The following DCAF12 variants were observed in gnomAD, a reference collection of about 807,000 sequenced individuals.
The protein encoded by DCAF12 is DDB1 and CUL4 associated factor 12, also known as DDB1- and CUL4-associated factor 12.
A neutral mutation model predicts 52.8 loss-of-function variants in DCAF12; 28 were observed. That is an observed-to-expected ratio of 0.53 (90% CI 0.39 to 0.73). The LOEUF is 0.73. Ranked by LOEUF, DCAF12 falls within the 30% of genes least tolerant of loss-of-function variation. The probability of loss-of-function intolerance (pLI) is 0.00; values close to 1 mark genes in which losing one functional copy is unlikely to be tolerated. For missense variants in DCAF12, 425 were observed against 552.2 expected (o/e 0.77, Z 2.31); for synonymous variants, 196 against 215.5 (o/e 0.91, Z 0.79).
chr9:34,094,393 G>A (rs2131426863), intron 6 of DCAF12, among the ~76,000 whole-genome samples: 1 of 151,892 alleles, frequency 6.6e-6, no homozygotes, highest in South Asian at 2.1e-4. Context: ...GCAACAAAGT[G>A]AGACTCTGTC....
intron 2 of DCAF12, among the ~76,000 whole-genome samples, chr9:34,120,541 C>A (rs762583566): frequency 6.6e-6 from 1 of 151,112 alleles, no homozygotes; most frequent in Non-Finnish European, 1.5e-5. Flanking sequence ...CATGGTAGCA[C>A]GCGCCTGTAG....
At chr9:34,111,932 C>T (rs113515434) in intron 2 of DCAF12, among the ~76,000 whole-genome samples, 2 of 150,776 alleles carry the variant, frequency 1.3e-5, no homozygotes, top group African/African-American at 4.9e-5. Context: ...GTCAGGAGTT[C>T]AAGACTAGCC....
chr9:34,095,383 T>TC (rs1828720183), intron 6 of DCAF12, among the ~76,000 whole-genome samples: 1 of 136,694 alleles, frequency 7.3e-6, no homozygotes, highest in Admixed American at 7.3e-5. Flanking sequence ...TTTTTTTTTT[T>TC]TTTTTTTTTT....
At chr9:34,093,076 C>T (rs1005737120) in intron 7 of DCAF12, among the ~76,000 whole-genome samples, 10 of 152,162 alleles carry the variant, frequency 6.6e-5, no homozygotes, top group African/African-American at 2.4e-4. Flanking sequence ...CTCAAACTCC[C>T]GACCTCAGGT....
chr9:34,108,164 C>A (rs1002633787), intron 2 of DCAF12, among the ~76,000 whole-genome samples: 5 of 152,212 alleles, frequency 3.3e-5, no homozygotes, highest in Admixed American at 3.3e-4. Context: ...CACCTCTTTA[C>A]CCTCCAAGAT....
intron 5 of DCAF12, 110 bp downstream of exon 5, chr9:34,098,214 G>T: frequency 8.5e-7 from 1 of 1,179,682 alleles, no homozygotes; most frequent in Non-Finnish European, 1.2e-6. Flanking sequence ...TGTTCTGTGG[G>T]CTCAGAACCA....
intron 4 of DCAF12, among the ~76,000 whole-genome samples, chr9:34,103,569 T>C (rs1828862373): frequency 6.6e-6 from 1 of 151,378 alleles, no homozygotes; most frequent in South Asian, 2.1e-4. Context: ...AAATTATGTT[T>C]TAGGCCGGGC....
chr9:34,119,706 T>G (rs1392709586), intron 2 of DCAF12, among the ~76,000 whole-genome samples: 1 of 150,902 alleles, frequency 6.6e-6, no homozygotes, highest in Admixed American at 6.6e-5. Flanking sequence ...TTTGCGGTTT[T>G]TTTTTTTTTT....
intron 4 of DCAF12, among the ~76,000 whole-genome samples, chr9:34,104,826 G>C (rs1828879573): frequency 6.6e-6 from 1 of 151,244 alleles, no homozygotes; most frequent in African/African-American, 2.4e-5. Context: ...CTGAGGCAGG[G>C]AGAAGTGCTT....
chr9:34,123,976 G>A (rs1343928051), intron 2 of DCAF12, among the ~76,000 whole-genome samples: 2 of 152,040 alleles, frequency 1.3e-5, no homozygotes, highest in Admixed American at 1.3e-4. Flanking sequence ...CAACCACCAT[G>A]GTATTATTTC....
chr9:34,113,905 G>A (rs998301970), intron 2 of DCAF12, among the ~76,000 whole-genome samples: 4 of 151,884 alleles, frequency 2.6e-5, no homozygotes, highest in Admixed American at 1.3e-4. Context: ...TTAGGAGATC[G>A]AGACCATCCT....
chr9:34,089,000 T>C (rs1828603285), intron 8 of DCAF12, among the ~76,000 whole-genome samples: 1 of 151,664 alleles, frequency 6.6e-6, no homozygotes, highest in Non-Finnish European at 1.5e-5. Context: ...TCCCAGCTAC[T>C]TGGGAGGCTG....
At chr9:34,118,579 CT>C (rs1829121882) in intron 2 of DCAF12, among the ~76,000 whole-genome samples, 1 of 152,156 alleles carries the variant, frequency 6.6e-6, no homozygotes, top group Non-Finnish European at 1.5e-5. Flanking sequence ...TAACAGGGAG[CT>C]TTATCCCTAA....
At position 34,093,509 on chromosome 9, in the gene DCAF12, T is replaced by C; in HGVS notation, c.862-61A>G. Reference sequence around the variant, plus strand: ...CAGAGAGGGTAAGGCAGGGATATTGTTTCTGGACTCCCACCTTGATGGGCT... The same window carrying C: ...CAGAGAGGGTAAGGCAGGGATATTGCTTCTGGACTCCCACCTTGATGGGCT... On this transcript the variant is annotated intron_variant, in intron 6 of 8. Coordinates refer to ENST00000361264, the MANE Select transcript of DCAF12 (RefSeq NM_015397.4). 1.9e-6 allele frequency: 3 copies of C among 1,577,482 alleles called. No homozygotes were observed. In the South Asian group the frequency reaches 3.4e-5, roughly 18 times the overall value.
chr9:34,110,746 T>G (rs2131437560), intron 2 of DCAF12, among the ~76,000 whole-genome samples: 1 of 152,080 alleles, frequency 6.6e-6, no homozygotes. Flanking sequence ...ATGGTGCCAC[T>G]GCACTCGCAC....
intron 4 of DCAF12, among the ~76,000 whole-genome samples, chr9:34,106,058 A>G (rs1324200791): frequency 1.3e-5 from 2 of 149,028 alleles, no homozygotes; most frequent in Non-Finnish European, 3.0e-5. Flanking sequence ...TATATTTTAA[A>G]ATTTTCTTAC....
At position 34,103,576 on chromosome 9, in the gene DCAF12, G is replaced by A. The variant is rs140785234; in HGVS notation, c.601+2858C>T. ...GTATCAAGAAATTATGTTTTAGGCC[G>A]GGCATAGTGGCTCATGCCTGTAATC... On this transcript the variant is annotated intron_variant, in intron 4 of 8. Transcript: ENST00000361264. Among the ~76,000 whole-genome samples, 317 of 152,168 alleles carry A rather than the reference G, an allele frequency of 2.1e-3. 1 individual carries two copies. Among genetic ancestry groups the A allele is most frequent in the Non-Finnish European group, 3.8e-3 (258 of 67,996 alleles).
chr9:34,117,428 G>C (rs1413645978), intron 2 of DCAF12, among the ~76,000 whole-genome samples: 1 of 151,928 alleles, frequency 6.6e-6, no homozygotes, highest in African/African-American at 2.4e-5. Flanking sequence ...GGCATTACAG[G>C]TGTGAGCCAC....
intron 2 of DCAF12, among the ~76,000 whole-genome samples, chr9:34,108,709 C>A (rs1422829714): frequency 6.6e-6 from 1 of 150,986 alleles, no homozygotes; most frequent in African/African-American, 2.4e-5. Context: ...TCGCTTGAAC[C>A]GAGGAGGCGG....
Sources: allele counts gnomAD v4.1 joint callset (sites outside exome capture counted in the v4.1 genomes callset), GRCh38; gene constraint gnomAD v4.1.1; transcripts MANE v1.5; gene names NCBI Gene and HGNC (gene_info 2026-07-23, HGNC 2026-07-21).